The following TBL2 variants were observed in gnomAD, a reference collection of about 807,000 sequenced individuals.
TBL2 encodes the protein transducin beta-like protein 2.
In TBL2, 33 loss-of-function variants were observed where a neutral mutation model predicts 41.8. The ratio of observed to expected loss-of-function variants is 0.79; its 90% confidence interval spans 0.60 to 1.06. The LOEUF is 1.06. TBL2 is among the 50% of genes least tolerant of loss of function. The pLI, the probability that TBL2 is intolerant of heterozygous loss-of-function variation, is 0.00. For missense variants in TBL2, 522 were observed against 603.8 expected (o/e 0.86, Z 1.42); for synonymous variants, 239 against 241.7 (o/e 0.99, Z 0.10).
chr7:73,568,418 C>T lies in TBL2; in HGVS notation c.*2089G>A, dbSNP rs1413309514. ...TCTAGCTTCTGTGAAGCAATTTCTGCTGGATTCCTGAATAAGTAGCAGCCA... is the reference window on the plus strand; with the variant it reads ...TCTAGCTTCTGTGAAGCAATTTCTGTTGGATTCCTGAATAAGTAGCAGCCA... On this transcript the variant is annotated 3_prime_UTR_variant, in exon 7 of 7. Coordinates refer to ENST00000305632, the MANE Select transcript of TBL2 (RefSeq NM_012453.4). Among the ~76,000 whole-genome samples the T allele has an allele frequency of 6.6e-6, 1 of 152,162 alleles. No individual in the cohort carries two copies. The highest frequency in any genetic ancestry group is 1.5e-5 in the Non-Finnish European group (1 of 68,036).
intron 1 of TBL2, chr7:73,578,183 C>A: frequency 6.8e-7 from 1 of 1,466,752 alleles, no homozygotes; most frequent in Non-Finnish European, 9.1e-7. Flanking sequence ...GCCTCGGCCA[C>A]AGAGAAAGCC....
chr7:73,569,286 G>T lies in TBL2; in HGVS notation c.*1221C>A, dbSNP rs1301550240. 6.6e-6 allele frequency: 1 copy of T among 152,170 alleles called. No individual in the cohort carries two copies. Among genetic ancestry groups the T allele is most frequent in the Non-Finnish European group, 1.5e-5 (1 of 68,046 alleles). The allele number at this position is 152,170 out of a possible 1,614,324, so 9.4% of individuals were successfully genotyped here. A position where few individuals can be genotyped will look rare whatever the true frequency, so the allele number is the denominator to read the frequency against. ...GGATAATGAATGGGGAGTCATCAAG[G>T]ATAACTCCACGGTTGTGGCTTGTTC... On this transcript the variant is annotated 3_prime_UTR_variant, in exon 7 of 7. Coordinates refer to ENST00000305632, the MANE Select transcript of TBL2 (RefSeq NM_012453.4).
At chr7:73,578,235 G>T (rs1390258648) in intron 1 of TBL2, 185 bp downstream of exon 1, 2 of 1,530,346 alleles carry the variant, frequency 1.3e-6, no homozygotes, top group Non-Finnish European at 1.7e-6. Flanking sequence ...GCCCCAGGAG[G>T]TGCGCCTAAC....
chr7:73,577,790 C>G (rs1455314367), intron 1 of TBL2, among the ~76,000 whole-genome samples: 4 of 151,712 alleles, frequency 2.6e-5, no homozygotes, highest in Non-Finnish European at 5.9e-5. Context: ...ACTACAGGGG[C>G]GTGCACAACC....
chr7:73,577,063 T>C (rs1472803560), intron 1 of TBL2, among the ~76,000 whole-genome samples: 2 of 150,656 alleles, frequency 1.3e-5, no homozygotes, highest in Non-Finnish European at 3.0e-5. Flanking sequence ...ATTGAGACCA[T>C]CCTGGCTAAC....
rs782151277 is a variant in TBL2, at chr7:73,574,470, G to A, written c.174C>T (p.Ser58=). 1.4e-5 allele frequency: 23 copies of A among 1,614,112 alleles called. No homozygotes were observed. The South Asian group carries it at 2.4e-4, about 17-fold the overall frequency. Residue 58 remains serine, a synonymous_variant, in exon 2 of 7, where the codon TCC becomes TCT. Coordinates refer to ENST00000305632, the MANE Select transcript of TBL2 (RefSeq NM_012453.4). The part of the protein sequence containing the change: ...NGFPPDKSSG[S]KKQKQYQRIR... ...TCCGCTGATATTGTTTCTGCTTCTT[G>A]GATCCCGAAGATTTGTCAGGTGGAA... is the stretch of plus-strand genomic sequence containing the variant.
rs1792817102 is a variant in TBL2 at position 73,569,867 on chromosome 7, A to C, written c.*640T>G. ...TGTTTCTAATTTGGTTTCAAAGCAC[A>C]CTGGTTCCCACTTTTACCACTTTCA... On this transcript the variant is annotated 3_prime_UTR_variant, in exon 7 of 7. Transcript: ENST00000305632. 6.6e-6 allele frequency: 1 copy of C among 152,206 alleles called. No homozygotes were observed. 9.4% of individuals were successfully genotyped at this position (152,206 alleles called of 1,614,324 possible). A position where few individuals can be genotyped will look rare whatever the true frequency, so the allele number is the denominator to read the frequency against.
rs781903087 is a variant in TBL2 at position 73,574,340 on chromosome 7, G to C, written c.261+43C>G. On this transcript the variant is annotated intron_variant, in intron 2 of 6. Transcript: ENST00000305632. ...AATACTCCAGAGGAAAAGCCTGTGG[G>C]GCTGAGTCTCAGGGTGCACGCTGTG... 6.2e-6 allele frequency: 10 copies of C among 1,610,552 alleles called. No homozygotes were observed. The South Asian group carries it at 9.9e-5, about 16-fold the overall frequency.
chr7:73,573,344 T>C lies in TBL2; in HGVS notation c.574A>G (p.Ile192Val). 6.2e-7 allele frequency: 1 copy of C among 1,614,212 alleles called. No individual in the cohort carries two copies. Among genetic ancestry groups the C allele is most frequent in the Non-Finnish European group, 8.5e-7 (1 of 1,180,022 alleles). The stretch of plus-strand genomic sequence containing the variant: ...CCTGTGTTAGCAATGCCAATGTCGA[T>C]GACAGGCGCCTTGTGCTTTTTAGGG... The part of the protein sequence containing the change: ...DFPKKHKAPV[I>V]DIGIANTGKF... Residue 192 changes from isoleucine (I) to valine (V), a missense_variant, in exon 4 of 7, where the codon ATC (isoleucine) becomes GTC (valine). By Grantham distance (29) the Ile-to-Val change is conservative. Transcript: ENST00000305632.
Position 73,578,424 on chromosome 7 carries a change from G to A in TBL2, c.126C>T (p.Pro42=), listed in dbSNP as rs10225949. The A allele has an allele frequency of 2.0e-6, 3 of 1,526,492 alleles. No homozygotes were observed. The highest frequency in any genetic ancestry group is 2.4e-5 in the South Asian group (2 of 82,056). The allele number at this position is 1,526,492 out of a possible 1,614,324, so 94.6% of individuals were successfully genotyped here. ...ACCCGACCCGGCCCCACTTACAGGC[G>A]GGCCGGCCGCTCCTCTCCTCCCCCG... is the stretch of plus-strand genomic sequence containing the variant. ...LRAGEERSGR[P]ACQKANGFPP... The change falls in exon 1 of 7, where the codon CCC becomes CCT. Residue 42 remains proline, a synonymous_variant. Coordinates refer to ENST00000305632, the MANE Select transcript of TBL2 (RefSeq NM_012453.4).
intron 1 of TBL2, among the ~76,000 whole-genome samples, chr7:73,576,332 C>T (rs1482850784): frequency 1.3e-5 from 2 of 151,882 alleles, no homozygotes; most frequent in East Asian, 3.9e-4. Flanking sequence ...CATGCCCGGC[C>T]CGGCAGCTGG....
At position 73,570,899 on chromosome 7, in the gene TBL2, G is replaced by A; in HGVS notation, c.952C>T (p.Pro318Ser). The A allele has an allele frequency of 1.2e-6, 2 of 1,613,836 alleles. No homozygotes were observed. Among genetic ancestry groups the A allele is most frequent in the South Asian group, 1.1e-5 (1 of 91,044 alleles). Residue 318 changes from proline (P) to serine (S), a missense_variant, in exon 7 of 7, where the codon CCC becomes TCC. By Grantham distance (74) the Pro-to-Ser change is moderately conservative. Transcript: ENST00000305632. ...AAGCGGCCTGTCTTCAGCAAGTAGG[G>A]GTCCTGCTTCTTCTTGTATTCCACA... ...TDVEYKKKQD[P>S]YLLKTGRFEE...
At chr7:73,572,746 A>G in intron 5 of TBL2, 98 bp downstream of exon 5, 1 of 1,561,264 alleles carries the variant, frequency 6.4e-7, no homozygotes, top group East Asian at 2.2e-5. Flanking sequence ...CCCACCCCGT[A>G]TGCTCTTCCC....
Position 73,573,066 on chromosome 7 carries a change from CAT to C in TBL2, c.599-98_599-97del, listed in dbSNP as rs543981552. The C allele has an allele frequency of 3.4e-4, 526 of 1,549,786 alleles. 2 individuals are homozygous for C. In the African/African-American group the frequency reaches 6.1e-3, roughly 18 times the overall value. On this transcript the variant is annotated intron_variant, in intron 4 of 6. Coordinates refer to ENST00000305632, the MANE Select transcript of TBL2 (RefSeq NM_012453.4). Reference sequence around the variant, plus strand: ...CAAGGCCTCTGCTGCCCGAAGTATACATGTCTCCTCCCAGGCCAAGGGTCACT... The same window carrying C: ...CAAGGCCTCTGCTGCCCGAAGTATACGTCTCCTCCCAGGCCAAGGGTCACT...
At chr7:73,576,588 G>A (rs182904171) in intron 1 of TBL2, 46 of 456,348 alleles carry the variant, frequency 1.0e-4, no homozygotes, top group African/African-American at 6.0e-4. Context: ...AGTCCTGTGC[G>A]GGGGAGTGGA....
Position 73,570,933 on chromosome 7 carries a change from CCA to C in TBL2, c.916_917del (p.Trp306GlyfsTer21). Reference protein sequence around the residue: ...SVSKDGTWKLWDTDVEYKKKQ... With the variant: ...SVSKDGTWKLXDTDVEYKKKQ... ...TCTTCTTGTATTCCACATCTGTGTC[CCA>C]CAGTTTCCATGTACCATCCTTGGAG... On this transcript the variant is annotated frameshift_variant, in exon 7 of 7. Coordinates refer to ENST00000305632, the MANE Select transcript of TBL2 (RefSeq NM_012453.4). LOFTEE classifies it high-confidence loss of function. 6.2e-7 allele frequency: 1 copy of C among 1,612,024 alleles called. No homozygotes were observed. The highest frequency in any genetic ancestry group is 2.2e-5 in the East Asian group (1 of 44,862).
chr7:73,571,182 C>T lies in TBL2; in HGVS notation c.878+7G>A, dbSNP rs782692609. The stretch of plus-strand genomic sequence containing the variant: ...CACTGGTCAGACATCAGAGCGGATT[C>T]ACTCACCTCCGTGAGTCGTTGGAGA... On this transcript the variant is annotated splice_region_variant and intron_variant, in intron 6 of 6. Transcript: ENST00000305632. 6.2e-7 allele frequency: 1 copy of T among 1,614,184 alleles called. No individual in the cohort carries two copies. Among genetic ancestry groups the T allele is most frequent in the Non-Finnish European group, 8.5e-7 (1 of 1,180,020 alleles).
Position 73,569,636 on chromosome 7 carries a change from A to G in TBL2, c.*871T>C, listed in dbSNP as rs1792801029. ...GGTGTATCTCTCTCTCCCACCAGCC[A>G]TCTTTGATGGCAGAAACCATGTCTT... On this transcript the variant is annotated 3_prime_UTR_variant, in exon 7 of 7. Transcript: ENST00000305632. The G allele has an allele frequency of 6.6e-6, 1 of 152,180 alleles. No individual in the cohort carries two copies. Among genetic ancestry groups the G allele is most frequent in the Admixed American group, 6.5e-5 (1 of 15,268 alleles). The allele number at this position is 152,180 out of a possible 1,614,324, so 9.4% of individuals were successfully genotyped here.
intron 1 of TBL2, chr7:73,574,906 G>A (rs1167720951): frequency 2.9e-6 from 1 of 350,796 alleles, no homozygotes; most frequent in Non-Finnish European, 5.6e-6. Flanking sequence ...CTACTGAGGA[G>A]GCTGTTTACA....
Sources: gnomAD v4.1 joint callset for allele counts (sites outside exome capture counted in the v4.1 genomes callset) on GRCh38, gnomAD v4.1.1 for gene constraint, MANE v1.5 for transcripts, NCBI Gene and HGNC (gene_info 2026-07-23, HGNC 2026-07-21) for gene names.